Variants in RASSF3 observed in about 807,000 individuals in gnomAD.
The protein encoded by RASSF3 is Ras association domain family member 3, also known as ras association domain-containing protein 3.
In RASSF3, 19 loss-of-function variants were observed where a neutral mutation model predicts 19.9. The ratio of observed to expected loss-of-function variants is 0.96; its 90% CI spans 0.67 to 1.40. The LOEUF (loss-of-function observed/expected upper bound fraction) is 1.40. Ranked by LOEUF, RASSF3 falls within the 40% of genes most tolerant of loss-of-function variation. The pLI, the probability that RASSF3 is intolerant of heterozygous loss-of-function variation, is 0.00. For missense variants in RASSF3, 306 were observed against 289.8 expected, an observed-to-expected ratio of 1.06 and a Z score of -0.41; for synonymous variants, 110 against 104.2, an observed-to-expected ratio of 1.06 and a Z score of -0.34.
At chr12:64,670,967 A>C (rs1361356897) in intron 1 of RASSF3, among the ~76,000 whole-genome samples, 2 of 152,150 alleles carry the variant, frequency 1.3e-5, no homozygotes, top group African/African-American at 4.8e-5. Context: ...TATTTCCTAT[A>C]TGCAAAATAG....
At chr12:64,555,492 G>A (rs868216930) in intron 2 of RASSF3, among the ~76,000 whole-genome samples, 1 of 152,190 alleles carries the variant, frequency 6.6e-6, no homozygotes, top group African/African-American at 2.4e-5. Context: ...GCTCACGCCT[G>A]TAATCCCAGG....
Position 64,684,832 on chromosome 12 carries a change from G to A in RASSF3, c.157G>A (p.Glu53Lys). The A allele has an allele frequency of 6.2e-7, 1 of 1,613,688 alleles. No individual in the cohort carries two copies. Among genetic ancestry groups the A allele is most frequent in the Non-Finnish European group, 8.5e-7 (1 of 1,179,696 alleles). ...KETHSYLSKE[E>K]IKEKVHKYNL... ...AACCCACAGTTACCTCAGCAAAGAG[G>A]AGATCAAAGAGAAAGTTCATAAATA... Residue 53 changes from glutamate to lysine, a missense_variant, in exon 2 of 5, where the codon GAG becomes AAG. Coordinates refer to ENST00000542104, the MANE Select transcript of RASSF3 (RefSeq NM_178169.4).
At chr12:64,594,401 C>T (rs1869968260) in intron 2 of RASSF3, among the ~76,000 whole-genome samples, 1 of 152,100 alleles carries the variant, frequency 6.6e-6, no homozygotes, top group Non-Finnish European at 1.5e-5. Flanking sequence ...TAGCAGAACC[C>T]TTTCCTCTCC....
intron 2 of RASSF3, among the ~76,000 whole-genome samples, chr12:64,563,943 G>A (rs185503744): frequency 1.8e-3 from 271 of 152,166 alleles, no homozygotes; most frequent in Admixed American, 5.4e-3. Context: ...TTTCATCAGC[G>A]AAGGGGCTCT....
At chr12:64,691,406 A>G in intron 3 of RASSF3, 64 bp from the exon 4 acceptor site, 3 of 1,094,904 alleles carry the variant, frequency 2.7e-6, no homozygotes, top group South Asian at 1.3e-5. Flanking sequence ...AGGGGATCAC[A>G]ATGGGGAAGT....
intron 2 of RASSF3, among the ~76,000 whole-genome samples, chr12:64,564,379 C>A (rs1272192485): frequency 7.9e-6 from 1 of 126,722 alleles, no homozygotes; most frequent in Non-Finnish European, 1.9e-5. Flanking sequence ...TAACACATTT[C>A]TTTTCTTTCT....
chr12:64,610,135 C>T (rs999571988), upstream of RASSF3, among the ~76,000 whole-genome samples: 6 of 152,194 alleles, frequency 3.9e-5, no homozygotes, highest in African/African-American at 1.4e-4. Context: ...GTTCCCCGCT[C>T]TGCTCCCGCC....
chr12:64,640,848 C>T (rs1871490641), intron 1 of RASSF3, among the ~76,000 whole-genome samples: 1 of 151,932 alleles, frequency 6.6e-6, no homozygotes, highest in Non-Finnish European at 1.5e-5. Context: ...CACTATGTTG[C>T]TCAGGCTGGT....
At chr12:64,685,920 C>T (rs1324914674) in intron 2 of RASSF3, among the ~76,000 whole-genome samples, 4 of 152,166 alleles carry the variant, frequency 2.6e-5, no homozygotes, top group South Asian at 2.1e-4. Flanking sequence ...CTTGGATCCC[C>T]GTCTCTCAGT....
chr12:64,594,767 T>C (rs1869973856), intron 2 of RASSF3, among the ~76,000 whole-genome samples: 1 of 152,154 alleles, frequency 6.6e-6, no homozygotes, highest in Non-Finnish European at 1.5e-5. Context: ...ATTTCTTTCT[T>C]TTTTTGAGCT....
intron 1 of RASSF3, among the ~76,000 whole-genome samples, chr12:64,635,713 G>A (rs889548360): frequency 6.6e-6 from 1 of 152,178 alleles, no homozygotes; most frequent in Admixed American, 6.5e-5. Flanking sequence ...AAGAAGAGGG[G>A]AAGCTGCAGC....
At chr12:64,517,122 C>CA (rs1011349201) in intron 1 of RASSF3, among the ~76,000 whole-genome samples, 1 of 143,496 alleles carries the variant, frequency 7.0e-6, no homozygotes, top group African/African-American at 2.6e-5. Context: ...CCAAGAATAA[C>CA]AAAAAAACAA....
intron 1 of RASSF3, among the ~76,000 whole-genome samples, chr12:64,657,269 T>C (rs1872193505): frequency 6.6e-6 from 1 of 152,036 alleles, no homozygotes; most frequent in Non-Finnish European, 1.5e-5. Context: ...ACCCGCAAAG[T>C]GCTGGGATTA....
intron 2 of RASSF3, among the ~76,000 whole-genome samples, chr12:64,554,919 A>T (rs1215551186): frequency 6.6e-6 from 1 of 152,150 alleles, no homozygotes; most frequent in East Asian, 1.9e-4. Flanking sequence ...AAACTGGAAG[A>T]TTCTGGATCT....
chr12:64,578,853 A>G (rs1237582550), intron 2 of RASSF3, among the ~76,000 whole-genome samples: 1 of 152,108 alleles, frequency 6.6e-6, no homozygotes, highest in Non-Finnish European at 1.5e-5. Flanking sequence ...CTATAAAATC[A>G]TGCCTTTTTG....
chr12:64,691,569 A>G lies in RASSF3; in HGVS notation c.557A>G (p.Glu186Gly). The G allele has an allele frequency of 6.3e-7, 1 of 1,584,696 alleles. No individual in the cohort carries two copies. Among genetic ancestry groups the G allele is most frequent in the Non-Finnish European group, 8.6e-7 (1 of 1,161,518 alleles). ...DTLSFVLREH[E>G]IGEWEAFSLP... is the part of the protein sequence containing the mutation. ...CTTAGTTTTGTTCTTCGTGAACATG[A>G]AATTGGAGAGGTAAGTTATTGTTCA... The change falls in exon 4 of 5, where the codon GAA becomes GGA. Residue 186 changes from glutamate to glycine, a missense_variant. Glu to Gly is a moderately conservative substitution (Grantham distance 98, BLOSUM62 -2). Transcript: ENST00000542104.
intron 2 of RASSF3, among the ~76,000 whole-genome samples, chr12:64,582,928 G>C (rs1430618659): frequency 6.6e-6 from 1 of 152,064 alleles, no homozygotes; most frequent in African/African-American, 2.4e-5. Flanking sequence ...AGTGTAGAAA[G>C]ATCTTCGAGA....
rs563969497 is a variant in RASSF3, at chr12:64,626,397, G to A, written c.111+15654G>A. Among the ~76,000 whole-genome samples, 4 of 149,456 alleles carry A rather than the reference G, an allele frequency of 2.7e-5. No individual in the cohort carries two copies. The East Asian group carries it at 6.0e-4, about 22-fold the overall frequency. On this transcript the variant is annotated intron_variant, in intron 1 of 4. Transcript: ENST00000542104. ...CTAAAAATACAAAAATTAGCCTGAT[G>A]TGCTTGCTTGAACTTAGGAGGCGGA... is the stretch of plus-strand genomic sequence containing the variant.
At chr12:64,510,210 G>C (rs1203620463) in intron 1 of RASSF3, among the ~76,000 whole-genome samples, 3 of 151,988 alleles carry the variant, frequency 2.0e-5, no homozygotes, top group Non-Finnish European at 4.4e-5. Flanking sequence ...TCTATCTCCA[G>C]TGTTTAACAT....
Sources: allele counts gnomAD v4.1 joint callset (sites outside exome capture counted in the v4.1 genomes callset), GRCh38; gene constraint gnomAD v4.1.1; transcripts MANE v1.5; gene names NCBI Gene and HGNC (gene_info 2026-07-23, HGNC 2026-07-21).